Variants in COX7B2 observed in about 807,000 individuals in gnomAD.
The protein encoded by COX7B2 is cytochrome c oxidase subunit 7B2, mitochondrial.
For synonymous variants in COX7B2, 37 were observed against 32.1 expected, an observed-to-expected ratio of 1.15 and a Z score of -0.51; for missense variants, 109 against 95.9, an observed-to-expected ratio of 1.14 and a Z score of -0.57.
chr4:46,776,414 GTGTGTGTGTC>G (rs1050578655), intron 2 of COX7B2, among the ~76,000 whole-genome samples: 9 of 151,768 alleles, frequency 5.9e-5, no homozygotes, highest in South Asian at 2.1e-4. Flanking sequence ...GTGTGTGTGT[GTGTGTGTGTC>G]TGTGTGTCTG....
At chr4:46,747,600 C>T (rs1460931873) in intron 2 of COX7B2, among the ~76,000 whole-genome samples, 3 of 152,112 alleles carry the variant, frequency 2.0e-5, no homozygotes, top group Admixed American at 6.5e-5. Flanking sequence ...CTGTGGCTGG[C>T]CTTAGCTCCC....
chr4:46,895,644 A>T (rs1719715114), intron 1 of COX7B2, among the ~76,000 whole-genome samples: 1 of 152,170 alleles, frequency 6.6e-6, no homozygotes, highest in Non-Finnish European at 1.5e-5. Context: ...AACCTAAAAT[A>T]AAAGTTTTTT....
intron 2 of COX7B2, among the ~76,000 whole-genome samples, chr4:46,751,436 A>C (rs1449775985): frequency 6.6e-6 from 1 of 152,156 alleles, no homozygotes; most frequent in Non-Finnish European, 1.5e-5. Context: ...CTAGCAAAAC[A>C]TGTACATATT....
At chr4:46,863,310 T>C (rs1320483991) in intron 1 of COX7B2, among the ~76,000 whole-genome samples, 1 of 152,144 alleles carries the variant, frequency 6.6e-6, no homozygotes, top group Non-Finnish European at 1.5e-5. Flanking sequence ...GCTGAATTCT[T>C]GTCCTAGAGA....
chr4:46,880,661 G>A (rs1159946732), intron 1 of COX7B2, among the ~76,000 whole-genome samples: 2 of 147,906 alleles, frequency 1.4e-5, no homozygotes. Context: ...TTCTAGTTGT[G>A]TTTATTTGGA....
intron 2 of COX7B2, among the ~76,000 whole-genome samples, chr4:46,769,801 G>A (rs1716766688): frequency 1.3e-5 from 2 of 152,024 alleles, no homozygotes; most frequent in African/African-American, 2.4e-5. Context: ...TCACCATCTT[G>A]TCATGATAAA....
At chr4:46,737,863 AC>A in intron 2 of COX7B2, among the ~76,000 whole-genome samples, 1 of 152,238 alleles carries the variant, frequency 6.6e-6, no homozygotes, top group Middle Eastern at 3.4e-3. Context: ...AACTTTGAAA[AC>A]AAGACCCCAA....
intron 2 of COX7B2, among the ~76,000 whole-genome samples, chr4:46,745,670 T>C (rs1353684973): frequency 1.3e-5 from 2 of 152,214 alleles, no homozygotes; most frequent in Non-Finnish European, 2.9e-5. Context: ...CAGGATGCAC[T>C]TTGCTAAACT....
At chr4:46,841,095 A>G (rs577661625) in intron 2 of COX7B2, among the ~76,000 whole-genome samples, 1 of 152,058 alleles carries the variant, frequency 6.6e-6, no homozygotes, top group South Asian at 2.1e-4. Context: ...GAAGAGAGGT[A>G]AGCAAGAACC....
At chr4:46,771,072 G>A (rs1256581294) in intron 2 of COX7B2, among the ~76,000 whole-genome samples, 2 of 152,040 alleles carry the variant, frequency 1.3e-5, no homozygotes, top group Non-Finnish European at 1.5e-5. Flanking sequence ...ACATGATAAG[G>A]TGCTAATATC....
intron 2 of COX7B2, among the ~76,000 whole-genome samples, chr4:46,824,257 C>A (rs982093389): frequency 6.6e-6 from 1 of 152,082 alleles, no homozygotes; most frequent in Non-Finnish European, 1.5e-5. Flanking sequence ...AAGTTGATAC[C>A]ATTCCTACAG....
At chr4:46,894,298 G>C (rs567131807) in intron 1 of COX7B2, among the ~76,000 whole-genome samples, 125 of 151,990 alleles carry the variant, frequency 8.2e-4, no homozygotes, top group Non-Finnish European at 1.5e-3. Context: ...AAAACAGCAT[G>C]GTACCAGAAC....
At chr4:46,870,686 C>G (rs150599101) in intron 1 of COX7B2, among the ~76,000 whole-genome samples, 2 of 152,152 alleles carry the variant, frequency 1.3e-5, no homozygotes, top group Admixed American at 1.3e-4. Flanking sequence ...CATTCCAGTA[C>G]ACCACCAACA....
chr4:46,848,916 C>G (rs577472142), intron 1 of COX7B2, among the ~76,000 whole-genome samples: 1 of 152,086 alleles, frequency 6.6e-6, no homozygotes, highest in East Asian at 1.9e-4. Context: ...TGCATATAAC[C>G]TATTCACATG....
chr4:46,774,912 A>G (rs988348215), intron 2 of COX7B2, among the ~76,000 whole-genome samples: 9 of 152,126 alleles, frequency 5.9e-5, no homozygotes, highest in African/African-American at 1.9e-4. Context: ...TTATTCACTC[A>G]AAAAATAAGG....
chr4:46,795,041 G>A (rs1325255585), intron 2 of COX7B2, among the ~76,000 whole-genome samples: 3 of 139,780 alleles, frequency 2.1e-5, no homozygotes, highest in Non-Finnish European at 4.5e-5. Flanking sequence ...CTTTTTGATG[G>A]GGTTGTTTGT....
chr4:46,743,773 CT>C (rs1414510318), intron 2 of COX7B2, among the ~76,000 whole-genome samples: 2 of 152,014 alleles, frequency 1.3e-5, no homozygotes, highest in African/African-American at 2.4e-5. Context: ...TTTTTTCCCC[CT>C]GAAGCATTAT....
chr4:46,823,172 G>GAGAA (rs1237042646), intron 2 of COX7B2, among the ~76,000 whole-genome samples: 1 of 152,024 alleles, frequency 6.6e-6, no homozygotes, highest in Non-Finnish European at 1.5e-5. Context: ...TGGCCTCCAA[G>GAGAA]GTTCTGCTGG....
chr4:46,892,457 G>A (rs1348651745), intron 1 of COX7B2, among the ~76,000 whole-genome samples: 1 of 152,114 alleles, frequency 6.6e-6, no homozygotes, highest in Non-Finnish European at 1.5e-5. Flanking sequence ...TACAGAAACT[G>A]AAACATGTAG....
Sources: gnomAD v4.1 joint callset for allele counts (sites outside exome capture counted in the v4.1 genomes callset) on GRCh38, gnomAD v4.1.1 for gene constraint, MANE v1.5 for transcripts, NCBI Gene and HGNC (gene_info 2026-07-23, HGNC 2026-07-21) for gene names.